Variants in MAGI2 observed in about 807,000 individuals in gnomAD.
MAGI2 encodes membrane associated guanylate kinase, WW and PDZ domain containing 2.
A neutral mutation model predicts 133.3 loss-of-function variants in MAGI2; 35 were observed. The observed-to-expected ratio is 0.26, with a 90% CI of 0.20 to 0.35. The LOEUF (loss-of-function observed/expected upper bound fraction) is 0.35. MAGI2 is among the 10% of genes least tolerant of loss of function. MAGI2 has a pLI of 1.00. For synonymous variants in MAGI2, 729 were observed against 710.6 expected, an observed-to-expected ratio of 1.03 and a Z score of -0.41; for missense variants, 1,636 against 1,863.4, an observed-to-expected ratio of 0.88 and a Z score of 2.25.
rs751032442 is a variant in MAGI2 at position 78,167,809 on chromosome 7, TA to T, written c.2596+106del. On this transcript the variant is annotated intron_variant, in intron 15 of 21. Transcript: ENST00000354212. ...TATCTAGGTTGTTTCCTTCCTCATA[TA>T]ATGTAGAAATGGATTTAAAATTTTG... 8.3e-5 allele frequency: 83 copies of T among 1,005,874 alleles called. 1 individual carries two copies. Among genetic ancestry groups the T allele is most frequent in the Non-Finnish European group, 6.6e-5 (45 of 686,716 alleles). The allele number at this position is 1,005,874 out of a possible 1,614,324, so 62.3% of individuals were successfully genotyped here. A position where few individuals can be genotyped will look rare whatever the true frequency, so the allele number is the denominator to read the frequency against.
intron 9 of MAGI2, among the ~76,000 whole-genome samples, chr7:78,325,768 C>A (rs1205216322): frequency 1.3e-5 from 2 of 152,194 alleles, no homozygotes; most frequent in Admixed American, 1.3e-4. Context: ...GTGGAAGCCA[C>A]AGGGCAAGGG....
chr7:79,277,915 G>A (rs141113028), intron 1 of MAGI2, among the ~76,000 whole-genome samples: 198 of 152,226 alleles, frequency 1.3e-3, no homozygotes, highest in Non-Finnish European at 2.6e-3. Context: ...GTAGGAGCCT[G>A]AGTTTCATAA....
At chr7:78,690,610 G>A (rs321996) in intron 2 of MAGI2, among the ~76,000 whole-genome samples, 118,353 of 152,056 alleles carry the variant, frequency 0.78, 46,394 homozygotes, top group East Asian at 0.97. Context: ...ATAAGAGAGA[G>A]CACACAAAAG....
intron 2 of MAGI2, among the ~76,000 whole-genome samples, chr7:78,947,619 C>A (rs1300642757): frequency 6.6e-6 from 1 of 152,010 alleles, no homozygotes; most frequent in Non-Finnish European, 1.5e-5. Context: ...GATATGAATT[C>A]ATGAGATTCA....
chr7:78,212,456 C>T (rs1787861775), intron 10 of MAGI2, among the ~76,000 whole-genome samples: 1 of 152,104 alleles, frequency 6.6e-6, no homozygotes, highest in African/African-American at 2.4e-5. Flanking sequence ...CTGCAGCTGC[C>T]CTGAAGATAC....
intron 20 of MAGI2, among the ~76,000 whole-genome samples, chr7:78,083,371 G>A (rs1297113593): frequency 2.1e-5 from 2 of 95,740 alleles, no homozygotes; most frequent in Non-Finnish European, 4.3e-5. Context: ...GGGGGGCGGG[G>A]GAGGGAGGGA....
chr7:79,073,308 G>A (rs913099179), intron 1 of MAGI2, among the ~76,000 whole-genome samples: 2 of 152,156 alleles, frequency 1.3e-5, no homozygotes, highest in African/African-American at 4.8e-5. Flanking sequence ...ATGTTGAAAA[G>A]GGGATTAGGT....
intron 3 of MAGI2, among the ~76,000 whole-genome samples, chr7:78,526,114 T>G (rs1447052387): frequency 1.3e-5 from 2 of 152,212 alleles, no homozygotes; most frequent in African/African-American, 4.8e-5. Context: ...AGTGGAAAAC[T>G]TATATCTCTT....
intron 2 of MAGI2, among the ~76,000 whole-genome samples, chr7:78,924,949 C>T (rs1799577494): frequency 6.6e-6 from 1 of 151,810 alleles, no homozygotes; most frequent in Non-Finnish European, 1.5e-5. Flanking sequence ...TAATTGTGCT[C>T]TCCAGGTTGG....
chr7:78,466,276 G>A (rs7789215), intron 6 of MAGI2, among the ~76,000 whole-genome samples: 71,408 of 152,100 alleles, frequency 0.47, 18,457 homozygotes, highest in Non-Finnish European at 0.59. Flanking sequence ...GGAGCACAGT[G>A]AACTGTAATC....
chr7:78,439,232 G>C (rs375190431), intron 6 of MAGI2, among the ~76,000 whole-genome samples: 1 of 152,142 alleles, frequency 6.6e-6, no homozygotes, highest in Admixed American at 6.6e-5. Context: ...AATGTTGCCC[G>C]AGTCAGTCAC....
intron 1 of MAGI2, among the ~76,000 whole-genome samples, chr7:79,244,314 T>A (rs113879329): frequency 0.037 from 5,588 of 152,222 alleles, 161 homozygotes; most frequent in African/African-American, 0.072. Flanking sequence ...GCAATCACAG[T>A]ACCTGGTTTT....
chr7:79,319,176 C>T (rs972158942), intron 1 of MAGI2, among the ~76,000 whole-genome samples: 2 of 152,072 alleles, frequency 1.3e-5, no homozygotes, highest in Admixed American at 1.3e-4. Context: ...AGTTTACAGA[C>T]AGGTAAGTTT....
intron 2 of MAGI2, among the ~76,000 whole-genome samples, chr7:78,807,996 T>C (rs1285119229): frequency 6.6e-6 from 1 of 152,170 alleles, no homozygotes; most frequent in Non-Finnish European, 1.5e-5. Flanking sequence ...CTACTGACTA[T>C]TGTGGTTTAT....
chr7:78,477,353 C>T (rs1791879528), intron 6 of MAGI2, among the ~76,000 whole-genome samples: 1 of 151,940 alleles, frequency 6.6e-6, no homozygotes, highest in Admixed American at 6.6e-5. Context: ...TGTAAGAACA[C>T]TGAATGTAAT....
chr7:79,387,650 T>C (rs563810566), intron 1 of MAGI2, among the ~76,000 whole-genome samples: 15 of 152,210 alleles, frequency 9.9e-5, no homozygotes, highest in African/African-American at 3.4e-4. Context: ...AATTTAACTG[T>C]TGGCTTTCAA....
chr7:78,361,900 C>T (rs1214383563), intron 7 of MAGI2, among the ~76,000 whole-genome samples: 2 of 152,172 alleles, frequency 1.3e-5, no homozygotes, highest in Non-Finnish European at 2.9e-5. Context: ...CGACCTCTAA[C>T]TTCAGAAACA....
At chr7:78,349,611 T>A (rs1164389134) in intron 7 of MAGI2, among the ~76,000 whole-genome samples, 1 of 152,142 alleles carries the variant, frequency 6.6e-6, no homozygotes, top group Non-Finnish European at 1.5e-5. Flanking sequence ...TCACAGAGAA[T>A]GAGAATACCA....
chr7:78,866,618 G>A (rs1794579333), intron 2 of MAGI2, among the ~76,000 whole-genome samples: 1 of 151,908 alleles, frequency 6.6e-6, no homozygotes, highest in African/African-American at 2.4e-5. Flanking sequence ...GAACCACCCT[G>A]TGCTGCTGCT....
Sources: allele counts gnomAD v4.1 joint callset (sites outside exome capture counted in the v4.1 genomes callset), GRCh38; gene constraint gnomAD v4.1.1; transcripts MANE v1.5; gene names NCBI Gene and HGNC (gene_info 2026-07-23, HGNC 2026-07-21).